CHN2: variants seen among roughly 807,000 people sequenced by gnomAD.
CHN2 encodes the protein chimerin 2.
Under a neutral mutation model 56.3 loss-of-function variants are expected in CHN2, and 35 were observed. The ratio of observed to expected loss-of-function variants is 0.62; its 90% CI spans 0.47 to 0.82. The LOEUF is 0.82. CHN2 is among the 40% of genes least tolerant of loss of function. The probability of loss-of-function intolerance (pLI) is 0.00; values close to 1 mark genes in which losing one functional copy is unlikely to be tolerated. For missense variants in CHN2, 491 were observed against 580.5 expected, an observed-to-expected ratio of 0.85 and a Z score of 1.58; for synonymous variants, 210 against 212.8, an observed-to-expected ratio of 0.99 and a Z score of 0.12.
At chr7:29,168,965 G>A (rs1345593665) in intron 2 of CHN2, among the ~76,000 whole-genome samples, 2 of 152,116 alleles carry the variant, frequency 1.3e-5, no homozygotes, top group Admixed American at 6.6e-5. Flanking sequence ...AAAAGTAAAT[G>A]TATAATAAAT....
At chr7:29,241,177 T>C (rs71539597) in intron 1 of CHN2, among the ~76,000 whole-genome samples, 19,593 of 152,162 alleles carry the variant, frequency 0.13, 1,629 homozygotes, top group Non-Finnish European at 0.19. Context: ...TGAGACACAG[T>C]GCCTGGCCTA....
At chr7:29,329,260 C>G (rs991735824) in intron 1 of CHN2, among the ~76,000 whole-genome samples, 6 of 149,546 alleles carry the variant, frequency 4.0e-5, no homozygotes, top group Non-Finnish European at 7.4e-5. Context: ...TTGCTATGCA[C>G]TACAGTGAAA....
chr7:29,500,173 ACACT>A (rs1789807485), intron 9 of CHN2, 133 bp downstream of exon 9: 1 of 558,034 alleles, frequency 1.8e-6, no homozygotes, highest in East Asian at 3.1e-5. Flanking sequence ...GCGCACACAC[ACACT>A]CTCTCTCTCT....
At chr7:29,362,478 T>C (rs1469611192) in intron 2 of CHN2, among the ~76,000 whole-genome samples, 1 of 152,026 alleles carries the variant, frequency 6.6e-6, no homozygotes, top group African/African-American at 2.4e-5. Context: ...TAAAACAGAG[T>C]AGATCATGGC....
chr7:29,483,433 AC>A (rs936813034), intron 7 of CHN2, among the ~76,000 whole-genome samples: 1 of 152,100 alleles, frequency 6.6e-6, no homozygotes, highest in Non-Finnish European at 1.5e-5. Flanking sequence ...GACAGTTGGC[AC>A]CTCATCGCAT....
chr7:29,373,466 C>T (rs956077141), intron 3 of CHN2, among the ~76,000 whole-genome samples: 6 of 151,586 alleles, frequency 4.0e-5, no homozygotes, highest in Admixed American at 2.6e-4. Context: ...TCAGCCACCA[C>T]GCCCGGCCGG....
chr7:29,479,623 T>C, intron 6 of CHN2: 2 of 995,342 alleles, frequency 2.0e-6, no homozygotes, highest in Non-Finnish European at 2.4e-6. Flanking sequence ...CTGTTGGAGC[T>C]CAGCCCAGGA....
At chr7:29,487,196 G>A (rs1788114174) in intron 7 of CHN2, among the ~76,000 whole-genome samples, 1 of 115,438 alleles carries the variant, frequency 8.7e-6, no homozygotes, top group Non-Finnish European at 1.8e-5. Flanking sequence ...AATGGTTGGG[G>A]GCTTGTTTTG....
intron 1 of CHN2, among the ~76,000 whole-genome samples, chr7:29,317,123 A>G (rs570368258): frequency 6.6e-6 from 1 of 152,344 alleles, no homozygotes; most frequent in Non-Finnish European, 1.5e-5. Context: ...TACACAGATA[A>G]TGAGCACAGT....
intron 1 of CHN2, among the ~76,000 whole-genome samples, chr7:29,352,108 A>G (rs2128923529): frequency 6.6e-6 from 1 of 152,278 alleles, no homozygotes; most frequent in South Asian, 2.1e-4. Flanking sequence ...AGGTAAGAAG[A>G]CCTTAGATCC....
intron 1 of CHN2, among the ~76,000 whole-genome samples, chr7:29,238,383 A>T (rs71539595): frequency 0.13 from 19,524 of 152,164 alleles, 1,641 homozygotes; most frequent in Non-Finnish European, 0.19. Flanking sequence ...ATTTCATGTC[A>T]TCAGGCAGAC....
intron 5 of CHN2, among the ~76,000 whole-genome samples, chr7:29,400,089 G>T (rs1671410249): frequency 1.3e-5 from 2 of 152,176 alleles, no homozygotes; most frequent in South Asian, 4.1e-4. Context: ...TCAGGACCAG[G>T]ACAGGGCATC....
At chr7:29,386,000 A>ATTTATTACAG (rs1312292012) in intron 3 of CHN2, among the ~76,000 whole-genome samples, 2 of 152,200 alleles carry the variant, frequency 1.3e-5, no homozygotes, top group Non-Finnish European at 2.9e-5. Flanking sequence ...TTTATTACAG[A>ATTTATTACAG]AAGACTGACC....
rs190345115 is a variant in CHN2 at position 29,223,216 on chromosome 7, A to C, written c.49+28226A>C. ...AGACTGACAATGTCAAGCTATTATCACAGATTTTTGGTGACTTGGAGAAAA... is the reference window on the plus strand; with the variant it reads ...AGACTGACAATGTCAAGCTATTATCCCAGATTTTTGGTGACTTGGAGAAAA... On this transcript the variant is annotated intron_variant, in intron 1 of 12. Transcript: ENST00000222792. Among the ~76,000 whole-genome samples, 242 of 152,304 alleles carry C rather than the reference A, an allele frequency of 1.6e-3. 1 individual carries two copies. The highest frequency in any genetic ancestry group is 3.4e-3 in the Middle Eastern group (1 of 294).
chr7:29,349,240 T>G (rs2128921002), intron 1 of CHN2, among the ~76,000 whole-genome samples: 1 of 152,344 alleles, frequency 6.6e-6, no homozygotes, highest in Middle Eastern at 3.4e-3. Context: ...TTTTTTAGCT[T>G]TCTCCTACAC....
At chr7:29,411,244 C>T (rs1008028021) in intron 6 of CHN2, among the ~76,000 whole-genome samples, 9 of 152,132 alleles carry the variant, frequency 5.9e-5, no homozygotes, top group Admixed American at 2.6e-4. Flanking sequence ...GAGGAAATAC[C>T]AAGACTCAAA....
chr7:29,462,909 T>G (rs1246434345), intron 6 of CHN2, among the ~76,000 whole-genome samples: 6 of 75,354 alleles, frequency 8.0e-5, no homozygotes, highest in African/African-American at 3.3e-4. Context: ...ATGCCATCCC[T>G]CCCCCCTCCC....
At position 29,194,885 on chromosome 7, in the gene CHN2, G is replaced by A; in HGVS notation, c.-57G>A. 3 of 1,389,888 alleles carry A rather than the reference G, an allele frequency of 2.2e-6. No homozygotes were observed. Among genetic ancestry groups the A allele is most frequent in the Admixed American group, 6.8e-5 (2 of 29,470 alleles). The allele number at this position is 1,389,888 out of a possible 1,614,324, so 86.1% of individuals were successfully genotyped here. The stretch of plus-strand genomic sequence containing the variant: ...GGCTGCGAGCGGCCGGGCGAGGGCA[G>A]CGGCGGCGGCGTCCGCACCGGGGCT... On this transcript the variant is annotated 5_prime_UTR_variant, in exon 1 of 13. Transcript: ENST00000222792.
At chr7:29,168,057 T>A (rs888559229) in intron 2 of CHN2, among the ~76,000 whole-genome samples, 4 of 152,236 alleles carry the variant, frequency 2.6e-5, no homozygotes, top group Admixed American at 1.3e-4. Flanking sequence ...AAAATTTTGT[T>A]GGTATGATTC....
Sources: allele counts gnomAD v4.1 joint callset (sites outside exome capture counted in the v4.1 genomes callset), GRCh38; gene constraint gnomAD v4.1.1; transcripts MANE v1.5; gene names NCBI Gene and HGNC (gene_info 2026-07-23, HGNC 2026-07-21).